The following ATG2B variants were observed in gnomAD, a reference collection of about 807,000 sequenced individuals.
ATG2B encodes autophagy related 2B.
A neutral mutation model predicts 241.3 loss-of-function variants in ATG2B; 121 were observed. That is an observed-to-expected ratio of 0.50 (90% CI 0.43 to 0.58). The LOEUF (loss-of-function observed/expected upper bound fraction) is 0.58. Ranked by LOEUF, ATG2B falls within the 20% of genes least tolerant of loss-of-function variation. The probability of loss-of-function intolerance (pLI) is 0.00; values close to 1 mark genes in which losing one functional copy is unlikely to be tolerated. For synonymous variants in ATG2B, 858 were observed against 876.6 expected, an observed-to-expected ratio of 0.98 and a Z score of 0.37; for missense variants, 2,306 against 2,491.6, an observed-to-expected ratio of 0.93 and a Z score of 1.59.
chr14:96,320,572 T>C (rs1887433461), intron 18 of ATG2B, among the ~76,000 whole-genome samples: 1 of 152,128 alleles, frequency 6.6e-6, no homozygotes, highest in African/African-American at 2.4e-5. Flanking sequence ...TTCCAATCAG[T>C]GGCTCATATT....
chr14:96,317,308 C>T lies in ATG2B; in HGVS notation c.3047G>A (p.Ser1016Asn). Residue 1016 changes from serine to asparagine, a missense_variant, in exon 20 of 42, where the codon AGT becomes AAT. By Grantham distance (46) the Ser-to-Asn change is conservative (BLOSUM62 1). This residue lies in a region of ATG2B where 1,927 missense variants were observed against 2,011.2 expected (regional missense o/e 0.96). Coordinates refer to ENST00000359933, the MANE Select transcript of ATG2B (RefSeq NM_018036.7). ...FKSAVHYDEE[S>N]GSEEETLQYF... ...CTGCAAAGTCTCCTCCTCAGATCCA[C>T]TTTCCTCATCTATGAGAAATAAACA... 1 of 1,609,286 alleles carries T rather than the reference C, an allele frequency of 6.2e-7. No homozygotes were observed. The highest frequency in any genetic ancestry group is 1.1e-5 in the South Asian group (1 of 89,954).
chr14:96,346,247 T>C (rs997975944), intron 2 of ATG2B, among the ~76,000 whole-genome samples: 1 of 152,142 alleles, frequency 6.6e-6, no homozygotes, highest in African/African-American at 2.4e-5. Context: ...TCTTCCCTCA[T>C]GAGAAAATTC....
At position 96,345,340 on chromosome 14, in the gene ATG2B, C is replaced by T; in HGVS notation, c.371G>A (p.Ser124Asn). ...AAGACATTCTTTTGCCAATTGCATACTGCTGGTCATAAAACTTGACCAATA... is the reference window on the plus strand; with the variant it reads ...AAGACATTCTTTTGCCAATTGCATATTGCTGGTCATAAAACTTGACCAATA... ...PMYWSSFMTS[S>N]MQLAKECLSQ... is the part of the protein sequence containing the mutation. The change falls in exon 3 of 42, where the codon AGT (serine) becomes AAT (asparagine). Residue 124 changes from serine to asparagine, a missense_variant. This residue lies in a region of ATG2B where 1,927 missense variants were observed against 2,011.2 expected (regional missense o/e 0.96). Transcript: ENST00000359933. 2 of 1,613,050 alleles carry T rather than the reference C, an allele frequency of 1.2e-6. No homozygotes were observed.
intron 18 of ATG2B, among the ~76,000 whole-genome samples, chr14:96,319,464 A>C (rs993221741): frequency 6.6e-6 from 1 of 152,180 alleles, no homozygotes; most frequent in Non-Finnish European, 1.5e-5. Context: ...GACACAGAAA[A>C]CATTCTCCTG....
chr14:96,316,408 G>T, intron 21 of ATG2B, 125 bp downstream of exon 21: 2 of 941,122 alleles, frequency 2.1e-6, no homozygotes, highest in Non-Finnish European at 3.2e-6. Flanking sequence ...TTTGACAGCA[G>T]AATGAGAGCC....
rs908594685 is a variant in ATG2B at position 96,289,288 on chromosome 14, G to C, written c.6006+368C>G. Among the ~76,000 whole-genome samples, 1 of 152,212 alleles carries C rather than the reference G, an allele frequency of 6.6e-6. No homozygotes were observed. The highest frequency in any genetic ancestry group is 1.5e-5 in the Non-Finnish European group (1 of 68,040). ...AGTGAAGGCATGGGAATAGGATCAGGGTGGGAGATTCATCTGAAAAGTTCT... is the reference window on the plus strand; with the variant it reads ...AGTGAAGGCATGGGAATAGGATCAGCGTGGGAGATTCATCTGAAAAGTTCT... On this transcript the variant is annotated intron_variant, in intron 41 of 41. Transcript: ENST00000359933. The surrounding 1 kb of genome is among the most constrained non-coding windows in gnomAD (Gnocchi z 4.3).
chr14:96,305,535 C>T, intron 31 of ATG2B, 54 bp downstream of exon 31: 1 of 1,221,072 alleles, frequency 8.2e-7, no homozygotes, highest in East Asian at 2.6e-5. Flanking sequence ...TTCTATTTTT[C>T]TAAGAAAAGA....
intron 18 of ATG2B, 147 bp from the exon 19 acceptor site, chr14:96,318,002 C>T (rs1469860548): frequency 1.9e-5 from 11 of 573,166 alleles, no homozygotes; most frequent in Non-Finnish European, 3.0e-5. Context: ...TTTGGAAAAA[C>T]AACAAAAATA....
chr14:96,343,270 C>T lies in ATG2B; in HGVS notation c.593G>A (p.Cys198Tyr). The change falls in exon 5 of 42, where the codon TGT (cysteine) becomes TAT (tyrosine). Residue 198 changes from cysteine (C) to tyrosine (Y), a missense_variant. Transcript: ENST00000359933. ...TGAGGATTCGTCAGCAGTTTCATCA[C>T]AGTACACAGTTCTGAAATTTTTTTA... is the stretch of plus-strand genomic sequence containing the variant. ...LEIRIERTVY[C>Y]DETADESSGI... is the part of the protein sequence containing the mutation. The T allele has an allele frequency of 6.3e-7, 1 of 1,582,366 alleles. No individual in the cohort carries two copies. The highest frequency in any genetic ancestry group is 8.6e-7 in the Non-Finnish European group (1 of 1,167,254).
intron 31 of ATG2B, among the ~76,000 whole-genome samples, chr14:96,304,994 T>C (rs997180462): frequency 2.0e-5 from 3 of 151,678 alleles, no homozygotes; most frequent in South Asian, 2.2e-4. Flanking sequence ...TATAGTAAAG[T>C]TGGACGTGTT....
rs565953385 is a variant in ATG2B at position 96,292,015 on chromosome 14, TAG to T, written c.5496+12_5496+13del. ...ATGATAATTTTGTGGAGTATATTTG[TAG>T]AGTTTCCCAACCTGATCCATTGATA... On this transcript the variant is annotated intron_variant, in intron 37 of 41. Transcript: ENST00000359933. 1,677 of 1,561,420 alleles carry T rather than the reference TAG, an allele frequency of 1.1e-3. No homozygotes were observed. Among genetic ancestry groups the T allele is most frequent in the Non-Finnish European group, 1.4e-3 (1,565 of 1,147,030 alleles).
At chr14:96,340,192 T>A (rs547622571) in intron 6 of ATG2B, among the ~76,000 whole-genome samples, 137 of 69,822 alleles carry the variant, frequency 2.0e-3, no homozygotes, top group African/African-American at 5.0e-3. Context: ...CACGTATATA[T>A]ATTCACACAC....
intron 7 of ATG2B, among the ~76,000 whole-genome samples, 156 bp downstream of exon 7, chr14:96,334,249 C>T (rs1441853000): frequency 5.9e-5 from 9 of 152,064 alleles, no homozygotes. Flanking sequence ...TTCAAAACAC[C>T]CAATCAAATT....
chr14:96,326,972 T>C (rs1022876454), intron 14 of ATG2B, among the ~76,000 whole-genome samples: 7 of 152,190 alleles, frequency 4.6e-5, no homozygotes, highest in African/African-American at 9.7e-5. Flanking sequence ...TCCAATTGCA[T>C]ATATAGTTAC....
At chr14:96,341,066 G>C in intron 6 of ATG2B, among the ~76,000 whole-genome samples, 1 of 152,006 alleles carries the variant, frequency 6.6e-6, no homozygotes, top group Non-Finnish European at 1.5e-5. Flanking sequence ...TGGTCATTCT[G>C]TTCAAAATAG....
At chr14:96,333,578 T>A (rs1887795419) in intron 8 of ATG2B, 110 bp downstream of exon 8, 1 of 976,212 alleles carries the variant, frequency 1.0e-6, no homozygotes, top group African/African-American at 1.7e-5. Flanking sequence ...ACAATGTGGA[T>A]CTTTTTGTTC....
chr14:96,326,152 AAAATT>A (rs954897975), intron 14 of ATG2B, among the ~76,000 whole-genome samples: 9 of 152,086 alleles, frequency 5.9e-5, no homozygotes, highest in Non-Finnish European at 1.0e-4. Flanking sequence ...TCTGAAATAA[AAAATT>A]AAATTAAAAA....
chr14:96,336,438 C>A (rs1300817618), intron 6 of ATG2B, among the ~76,000 whole-genome samples: 1 of 152,156 alleles, frequency 6.6e-6, no homozygotes, highest in East Asian at 1.9e-4. Flanking sequence ...GGTAGTACTT[C>A]TAAATATTAA....
At chr14:96,325,943 A>G (rs1381297477) in intron 14 of ATG2B, 21 bp from the exon 15 acceptor site, 1 of 1,601,878 alleles carries the variant, frequency 6.2e-7, no homozygotes, top group African/African-American at 1.3e-5. Context: ...AAACATCAAA[A>G]ATATGCCAAA....
Sources: allele counts gnomAD v4.1 joint callset (sites outside exome capture counted in the v4.1 genomes callset), GRCh38; gene constraint gnomAD v4.1.1; regional missense constraint gnomAD v4.1.1; non-coding constraint Gnocchi (gnomAD v3.1); transcripts MANE v1.5; gene names NCBI Gene and HGNC (gene_info 2026-07-23, HGNC 2026-07-21).